Variants in RASAL2 observed in about 807,000 individuals in gnomAD.
The protein encoded by RASAL2 is ras GTPase-activating protein nGAP.
Under a neutral mutation model 128.9 loss-of-function variants are expected in RASAL2, and 58 were observed. That is an observed-to-expected ratio of 0.45 (90% CI 0.36 to 0.56). The LOEUF (loss-of-function observed/expected upper bound fraction) is 0.56. RASAL2 is among the 20% of genes least tolerant of loss of function. The pLI is 0.00. For missense variants in RASAL2, 1,360 were observed against 1,601.6 expected, an observed-to-expected ratio of 0.85 and a Z score of 2.57; for synonymous variants, 561 against 580.8, an observed-to-expected ratio of 0.97 and a Z score of 0.49.
intron 3 of RASAL2, 115 bp from the exon 4 acceptor site, chr1:178,389,985 A>G: frequency 1.5e-6 from 1 of 663,068 alleles, no homozygotes; most frequent in Non-Finnish European, 2.6e-6. Context: ...GATAGAATGT[A>G]ATATACCTTT....
At chr1:178,282,369 C>T (rs1666826276) in intron 1 of RASAL2, among the ~76,000 whole-genome samples, 1 of 152,122 alleles carries the variant, frequency 6.6e-6, no homozygotes, top group Non-Finnish European at 1.5e-5. Flanking sequence ...CTACGTAGTT[C>T]TATGAAGAGA....
chr1:178,465,469 C>T (rs1457120340), intron 15 of RASAL2, among the ~76,000 whole-genome samples: 1 of 152,136 alleles, frequency 6.6e-6, no homozygotes, highest in Admixed American at 6.5e-5. Context: ...GATGATGACA[C>T]AGAATCTTTT....
At chr1:178,282,844 G>A (rs986226601) in intron 1 of RASAL2, among the ~76,000 whole-genome samples, 3 of 152,012 alleles carry the variant, frequency 2.0e-5, no homozygotes, top group Non-Finnish European at 4.4e-5. Flanking sequence ...AGTTCCAGCA[G>A]CCCAAATGAG....
At chr1:178,429,364 A>G (rs1476235918) in intron 5 of RASAL2, among the ~76,000 whole-genome samples, 1 of 152,038 alleles carries the variant, frequency 6.6e-6, no homozygotes, top group Non-Finnish European at 1.5e-5. Context: ...TGTATCTTTT[A>G]CCCTTCTCCC....
rs555640667 is a variant in RASAL2, at chr1:178,385,685, T to A, written c.458-4415T>A. On this transcript the variant is annotated intron_variant, in intron 3 of 17. Coordinates refer to ENST00000367649, the MANE Select transcript of RASAL2 (RefSeq NM_170692.4). Reference sequence around the variant, plus strand: ...TCCTTAGCATATACATTTTCTTCTGTCACTGTCCTTATATTGGCCAGTATT... The same window carrying A: ...TCCTTAGCATATACATTTTCTTCTGACACTGTCCTTATATTGGCCAGTATT... 2.0e-5 allele frequency among the ~76,000 whole-genome samples: 3 copies of A among 152,328 alleles called. No individual in the cohort carries two copies. The South Asian group carries it at 6.2e-4, about 32-fold the overall frequency.
intron 1 of RASAL2, among the ~76,000 whole-genome samples, chr1:178,144,826 C>T (rs1660663143): frequency 6.6e-6 from 1 of 152,156 alleles, no homozygotes. Context: ...TGGATTTATA[C>T]ATAGCAACTA....
In RASAL2 at chr1:178,260,159, TG is replaced by T. The variant is rs530517786; in HGVS notation, c.203-23403del. Among the ~76,000 whole-genome samples, 19 of 150,162 alleles carry T rather than the reference TG, an allele frequency of 1.3e-4. No homozygotes were observed. In the East Asian group the frequency reaches 2.0e-3, roughly 16 times the overall value. On this transcript the variant is annotated intron_variant, in intron 1 of 17. Transcript: ENST00000367649. ...CGAGGTTAGGAGTTCAAGACCAGCC[TG>T]GCCAAGATGGTGAAACTCCGTCTCT...
chr1:178,429,431 A>C (rs1025344024), intron 5 of RASAL2, among the ~76,000 whole-genome samples: 3 of 152,136 alleles, frequency 2.0e-5, no homozygotes, highest in African/African-American at 7.2e-5. Flanking sequence ...TTTCTCACAA[A>C]ATCTTTCCCA....
At chr1:178,097,834 C>G (rs1317380888) in intron 1 of RASAL2, among the ~76,000 whole-genome samples, 1 of 152,050 alleles carries the variant, frequency 6.6e-6, no homozygotes, top group Non-Finnish European at 1.5e-5. Flanking sequence ...GGTTTGGCTC[C>G]TTGGTTGATA....
At chr1:178,383,380 G>A (rs889686823) in intron 3 of RASAL2, among the ~76,000 whole-genome samples, 4 of 152,180 alleles carry the variant, frequency 2.6e-5, no homozygotes, top group Non-Finnish European at 2.9e-5. Context: ...GGATACAGCA[G>A]AAAGTATCCT....
intron 2 of RASAL2, among the ~76,000 whole-genome samples, chr1:178,288,916 G>T (rs1441382676): frequency 6.6e-6 from 1 of 152,014 alleles, no homozygotes; most frequent in Admixed American, 6.6e-5. Flanking sequence ...CTCCCAAAGT[G>T]CTGGGATTAC....
At chr1:178,267,998 C>A (rs898683532) in intron 1 of RASAL2, among the ~76,000 whole-genome samples, 1 of 151,602 alleles carries the variant, frequency 6.6e-6, no homozygotes, top group Non-Finnish European at 1.5e-5. Context: ...CAAGCATATC[C>A]TCCAGTAGTT....
chr1:178,421,947 T>G (rs966025466), intron 5 of RASAL2, among the ~76,000 whole-genome samples: 1 of 152,190 alleles, frequency 6.6e-6, no homozygotes, highest in Non-Finnish European at 1.5e-5. Flanking sequence ...TATTCTATAA[T>G]TTTCATCATT....
chr1:178,419,694 AT>A (rs1675016253), intron 4 of RASAL2, among the ~76,000 whole-genome samples: 1 of 152,124 alleles, frequency 6.6e-6, no homozygotes, highest in Non-Finnish European at 1.5e-5. Flanking sequence ...TTATTCTTTT[AT>A]TCAACAAACT....
At chr1:178,290,761 C>T (rs923363751) in intron 2 of RASAL2, among the ~76,000 whole-genome samples, 11 of 151,940 alleles carry the variant, frequency 7.2e-5, no homozygotes, top group South Asian at 2.1e-4. Context: ...CTGCAAGCTC[C>T]GCCTCCTGGG....
At chr1:178,375,073 G>A (rs1349242368) in intron 3 of RASAL2, among the ~76,000 whole-genome samples, 1 of 152,026 alleles carries the variant, frequency 6.6e-6, no homozygotes, top group Non-Finnish European at 1.5e-5. Context: ...AATTATCCAG[G>A]TAAAAATTGC....
intron 4 of RASAL2, among the ~76,000 whole-genome samples, chr1:178,393,648 T>C (rs1673046008): frequency 6.6e-6 from 1 of 152,036 alleles, no homozygotes; most frequent in Admixed American, 6.6e-5. Context: ...TATAGGAGAG[T>C]TTCTTCCTTC....
At chr1:178,234,417 C>T (rs1464080289) in intron 1 of RASAL2, among the ~76,000 whole-genome samples, 1 of 152,078 alleles carries the variant, frequency 6.6e-6, no homozygotes, top group African/African-American at 2.4e-5. Context: ...GCCAAGCATG[C>T]AAATCTTGAA....
intron 3 of RASAL2, among the ~76,000 whole-genome samples, chr1:178,343,718 A>T (rs1054201166): frequency 9.9e-5 from 15 of 152,182 alleles, no homozygotes; most frequent in African/African-American, 3.6e-4. Flanking sequence ...AAAGAGAAAA[A>T]TACTCAAAGG....
Sources: allele counts gnomAD v4.1 joint callset (sites outside exome capture counted in the v4.1 genomes callset), GRCh38; gene constraint gnomAD v4.1.1; transcripts MANE v1.5; gene names NCBI Gene and HGNC (gene_info 2026-07-23, HGNC 2026-07-21).